Variants in LDLRAD3 observed in about 807,000 individuals in gnomAD.
The protein encoded by LDLRAD3 is low density lipoprotein receptor class A domain containing 3.
A neutral mutation model predicts 29.4 loss-of-function variants in LDLRAD3; 20 were observed. That is an observed-to-expected ratio of 0.68 (90% CI 0.48 to 0.99). LDLRAD3 has a LOEUF of 0.99. LDLRAD3 is among the 50% of genes least tolerant of loss of function. The pLI is 0.00. For synonymous variants in LDLRAD3, 157 were observed against 192.7 expected, an observed-to-expected ratio of 0.81 and a Z score of 1.53; for missense variants, 420 against 454.3, an observed-to-expected ratio of 0.92 and a Z score of 0.69.
intron 1 of LDLRAD3, among the ~76,000 whole-genome samples, chr11:36,016,943 C>T (rs1396721408): frequency 6.6e-6 from 1 of 152,146 alleles, no homozygotes; most frequent in East Asian, 1.9e-4. Context: ...TGTGGAAAGA[C>T]ATAATTAAAA....
chr11:35,983,828 T>C (rs998077468), intron 1 of LDLRAD3, among the ~76,000 whole-genome samples: 2 of 152,030 alleles, frequency 1.3e-5, no homozygotes, highest in African/African-American at 2.4e-5. Flanking sequence ...TTTCACCACG[T>C]TGGCCAGGCT....
chr11:35,989,265 G>A (rs1452637969), intron 1 of LDLRAD3, among the ~76,000 whole-genome samples: 2 of 152,122 alleles, frequency 1.3e-5, no homozygotes, highest in Non-Finnish European at 2.9e-5. Flanking sequence ...TGCTGTTTTG[G>A]TTCGTGTAGC....
chr11:36,085,801 G>A (rs73454608), intron 3 of LDLRAD3, among the ~76,000 whole-genome samples: 5,822 of 151,664 alleles, frequency 0.038, 343 homozygotes, highest in African/African-American at 0.13. Context: ...TGTATTTTTT[G>A]TAGAGGTGGG....
At chr11:36,010,719 A>G (rs918389830) in intron 1 of LDLRAD3, among the ~76,000 whole-genome samples, 2 of 152,156 alleles carry the variant, frequency 1.3e-5, no homozygotes, top group African/African-American at 4.8e-5. Context: ...GGTCTGCATC[A>G]TACCCAACCT....
At chr11:36,183,973 T>C in intron 4 of LDLRAD3, 1 of 319,644 alleles carries the variant, frequency 3.1e-6, no homozygotes, top group Non-Finnish European at 6.0e-6. Context: ...CTTTTTTTTT[T>C]TTTTTTTCCC....
chr11:35,960,023 C>A (rs914843919), intron 1 of LDLRAD3, among the ~76,000 whole-genome samples: 7 of 152,178 alleles, frequency 4.6e-5, no homozygotes, highest in African/African-American at 1.7e-4. Context: ...TCACTATCCC[C>A]AAATTGGCAT....
At chr11:36,141,924 C>T (rs982970187) in intron 4 of LDLRAD3, among the ~76,000 whole-genome samples, 1 of 152,218 alleles carries the variant, frequency 6.6e-6, no homozygotes, top group Non-Finnish European at 1.5e-5. Flanking sequence ...GCTGCAATAT[C>T]GATCTGCTCT....
chr11:35,974,388 G>A (rs937899759), intron 1 of LDLRAD3, among the ~76,000 whole-genome samples: 1 of 151,018 alleles, frequency 6.6e-6, no homozygotes, highest in Non-Finnish European at 1.5e-5. Context: ...CTCTTCTGTT[G>A]CTGCTGTGTA....
chr11:36,190,083 G>T (rs1308263832), intron 4 of LDLRAD3, among the ~76,000 whole-genome samples: 5 of 138,532 alleles, frequency 3.6e-5, no homozygotes, highest in Admixed American at 3.6e-4. Flanking sequence ...GGGGAGGGGA[G>T]GAGGAGGAGA....
chr11:36,094,580 G>T (rs555470839), intron 3 of LDLRAD3, among the ~76,000 whole-genome samples: 1 of 152,040 alleles, frequency 6.6e-6, no homozygotes, highest in South Asian at 2.1e-4. Context: ...CTGTCACCCC[G>T]GCTGGAGTGC....
chr11:36,066,688 C>T (rs140414885), intron 2 of LDLRAD3, among the ~76,000 whole-genome samples: 174 of 152,116 alleles, frequency 1.1e-3, no homozygotes, highest in African/African-American at 4.1e-3. Context: ...CTTTAAAGGT[C>T]GATGATAGCC....
chr11:36,147,099 T>G (rs1316326343), intron 4 of LDLRAD3, among the ~76,000 whole-genome samples: 1 of 1,214 alleles, frequency 8.2e-4, no homozygotes, highest in Admixed American at 8.6e-3. Context: ...CCATATTTAC[T>G]TTTTTTTTTT....
At chr11:36,030,274 C>T (rs1429143640) in intron 1 of LDLRAD3, among the ~76,000 whole-genome samples, 2 of 152,180 alleles carry the variant, frequency 1.3e-5, no homozygotes, top group African/African-American at 2.4e-5. Flanking sequence ...TGATGGGAAC[C>T]GAATGGGAAG....
At chr11:36,038,734 T>A (rs1009515210) in intron 2 of LDLRAD3, among the ~76,000 whole-genome samples, 1 of 152,210 alleles carries the variant, frequency 6.6e-6, no homozygotes, top group African/African-American at 2.4e-5. Flanking sequence ...TTTTTTCCCC[T>A]GACTTCCTAC....
chr11:36,144,483 G>C (rs558319593), intron 4 of LDLRAD3, among the ~76,000 whole-genome samples: 1 of 151,080 alleles, frequency 6.6e-6, no homozygotes, highest in Non-Finnish European at 1.5e-5. Flanking sequence ...TAGGAAGTGA[G>C]GAGCGTCTCT....
chr11:36,070,197 T>C (rs1852874375), intron 2 of LDLRAD3, among the ~76,000 whole-genome samples: 1 of 152,244 alleles, frequency 6.6e-6, no homozygotes, highest in Non-Finnish European at 1.5e-5. Flanking sequence ...ATTTTGATAT[T>C]GGCCAAACAG....
intron 4 of LDLRAD3, among the ~76,000 whole-genome samples, chr11:36,127,345 G>A (rs1411168278): frequency 6.6e-6 from 1 of 152,198 alleles, no homozygotes; most frequent in Non-Finnish European, 1.5e-5. Context: ...ACAGTACTGA[G>A]AGGAAGGTGT....
intron 4 of LDLRAD3, among the ~76,000 whole-genome samples, chr11:36,166,787 G>A (rs1854522155): frequency 6.6e-6 from 1 of 152,122 alleles, no homozygotes; most frequent in Admixed American, 6.5e-5. Context: ...CTGTTAAAAT[G>A]AAGATTCTGA....
Position 35,987,080 on chromosome 11 carries a change from AG to A in LDLRAD3, c.46+42937del. 2.0e-5 allele frequency among the ~76,000 whole-genome samples: 3 copies of A among 152,356 alleles called. 1 individual carries two copies. In the South Asian group the frequency reaches 6.2e-4, roughly 32 times the overall value. ...TCTCATTCACGGGGCTGCTTCACTT[AG>A]AATTTTGCTAATGTAGTTGTCTGCC... On this transcript the variant is annotated intron_variant, in intron 1 of 5. Coordinates refer to ENST00000315571, the MANE Select transcript of LDLRAD3 (RefSeq NM_174902.4).
Sources: gnomAD v4.1 joint callset for allele counts (sites outside exome capture counted in the v4.1 genomes callset) on GRCh38, gnomAD v4.1.1 for gene constraint, MANE v1.5 for transcripts, NCBI Gene and HGNC (gene_info 2026-07-23, HGNC 2026-07-21) for gene names.